Variants in FRMD5 observed in about 807,000 individuals in gnomAD.
FRMD5 encodes FERM domain containing 5.
In FRMD5, 20 loss-of-function variants were observed where a neutral mutation model predicts 69.0. The observed-to-expected ratio is 0.29, with a 90% confidence interval of 0.20 to 0.42. FRMD5 has a LOEUF of 0.42. Ranked by LOEUF, FRMD5 falls within the 10% of genes least tolerant of loss-of-function variation. The pLI is 1.00. For missense variants in FRMD5, 595 were observed against 708.6 expected (o/e 0.84, Z 1.82); for synonymous variants, 271 against 260.1 (o/e 1.04, Z -0.40).
At chr15:44,052,584 CCCTGAGATAGTG>C (rs1892714796) in intron 1 of FRMD5, among the ~76,000 whole-genome samples, 1 of 151,234 alleles carries the variant, frequency 6.6e-6, no homozygotes, top group African/African-American at 2.5e-5. Flanking sequence ...GCTCAGGACA[CCCTGAGATAGTG>C]CCTAGGAACA....
chr15:44,021,718 C>T (rs1595634235), intron 1 of FRMD5, among the ~76,000 whole-genome samples: 1 of 152,058 alleles, frequency 6.6e-6, no homozygotes, highest in South Asian at 2.1e-4. Flanking sequence ...GATACAGCTG[C>T]TATGTAAAAT....
intron 1 of FRMD5, among the ~76,000 whole-genome samples, chr15:44,105,831 A>G (rs1050867412): frequency 6.6e-6 from 1 of 152,188 alleles, no homozygotes; most frequent in African/African-American, 2.4e-5. Flanking sequence ...TATTTACCAC[A>G]CAATTTCTTC....
chr15:43,927,400 CAG>C (rs1242955425), intron 1 of FRMD5, among the ~76,000 whole-genome samples: 3 of 152,120 alleles, frequency 2.0e-5, no homozygotes, highest in Non-Finnish European at 4.4e-5. Flanking sequence ...ACTCTCAGGA[CAG>C]AGACTCGTTA....
chr15:43,985,007 A>C (rs1249265792), intron 1 of FRMD5, among the ~76,000 whole-genome samples: 2 of 149,832 alleles, frequency 1.3e-5, no homozygotes, highest in African/African-American at 4.9e-5. Context: ...AAGGCCGGGC[A>C]CGGTGGCTCA....
chr15:44,004,513 T>C (rs1409561001), intron 1 of FRMD5, among the ~76,000 whole-genome samples: 3 of 152,234 alleles, frequency 2.0e-5, no homozygotes, highest in Admixed American at 2.0e-4. Context: ...CCATTAATAT[T>C]ATTTTTTCTT....
At chr15:44,016,839 A>T (rs1027637153) in intron 1 of FRMD5, among the ~76,000 whole-genome samples, 4 of 147,438 alleles carry the variant, frequency 2.7e-5, no homozygotes, top group African/African-American at 7.4e-5. Flanking sequence ...AGTTCACATA[A>T]TTTTTTTTTT....
chr15:44,145,209 C>T (rs904744064), intron 1 of FRMD5, among the ~76,000 whole-genome samples: 9 of 152,138 alleles, frequency 5.9e-5, no homozygotes, highest in Non-Finnish European at 1.5e-5. Context: ...CATCAGGGAG[C>T]TGGCAGATAG....
chr15:44,044,764 G>A (rs1444551820), intron 1 of FRMD5, among the ~76,000 whole-genome samples: 1 of 152,070 alleles, frequency 6.6e-6, no homozygotes, highest in Non-Finnish European at 1.5e-5. Flanking sequence ...GGCCTGTCAG[G>A]GGGTGGGGGG....
chr15:43,903,298 G>A (rs185985854), intron 6 of FRMD5, among the ~76,000 whole-genome samples: 32 of 152,334 alleles, frequency 2.1e-4, no homozygotes, highest in African/African-American at 6.7e-4. Flanking sequence ...CACGTTGCTC[G>A]TTTCTAAGCT....
intron 1 of FRMD5, among the ~76,000 whole-genome samples, chr15:44,176,065 C>G (rs1485232597): frequency 6.6e-6 from 1 of 151,954 alleles, no homozygotes; most frequent in African/African-American, 2.4e-5. Context: ...TGCAATAAAC[C>G]AAGAATAGCC....
chr15:43,892,004 G>A lies in FRMD5; in HGVS notation c.705C>T (p.Asn235=). ...TPFGFVVLQG[N]KRVHFIKWNE... ...ACCATTTAATGAAGTGGACCCTCTT[G>A]TTTCCTTGAAGAACAACAAACCCAA... Residue 235 remains asparagine (N), a synonymous_variant, in exon 8 of 14, where the codon AAC becomes AAT. Coordinates refer to ENST00000417257, the MANE Select transcript of FRMD5 (RefSeq NM_032892.5). 6.2e-7 allele frequency: 1 copy of A among 1,614,054 alleles called. No homozygotes were observed. The highest frequency in any genetic ancestry group is 8.5e-7 in the Non-Finnish European group (1 of 1,179,940).
chr15:44,143,830 C>T (rs886076220), intron 1 of FRMD5, among the ~76,000 whole-genome samples: 5 of 140,278 alleles, frequency 3.6e-5, no homozygotes, highest in African/African-American at 1.3e-4. Context: ...GAGGCTGAGG[C>T]AGGAAATCGC....
intron 1 of FRMD5, among the ~76,000 whole-genome samples, chr15:44,103,152 T>G (rs2076665157): frequency 6.6e-6 from 1 of 152,206 alleles, no homozygotes; most frequent in Admixed American, 6.5e-5. Flanking sequence ...TGCCCTAATG[T>G]AAGAATAGTC....
At chr15:43,967,042 G>A (rs1465900069) in intron 1 of FRMD5, among the ~76,000 whole-genome samples, 1 of 152,122 alleles carries the variant, frequency 6.6e-6, no homozygotes, top group Non-Finnish European at 1.5e-5. Flanking sequence ...ACATGGACTT[G>A]CTTCTGGCTG....
At chr15:44,026,823 C>T (rs1891447499) in intron 1 of FRMD5, among the ~76,000 whole-genome samples, 1 of 152,180 alleles carries the variant, frequency 6.6e-6, no homozygotes, top group South Asian at 2.1e-4. Context: ...TTATTCTGCT[C>T]ATGGTGATTA....
chr15:44,052,537 A>ACATAACATT lies in FRMD5; in HGVS notation c.103-128237_103-128229dup, dbSNP rs1439715431. ...ATTGCTTCCACAGCCACTTCTTTTT[A>ACATAACATT]CATAACATTTGTTTCCATTTCCAGA... On this transcript the variant is annotated intron_variant, in intron 1 of 13. Transcript: ENST00000417257. Among the ~76,000 whole-genome samples, 5 of 152,274 alleles carry ACATAACATT rather than the reference A, an allele frequency of 3.3e-5. No homozygotes were observed. The East Asian group carries it at 9.6e-4, about 29-fold the overall frequency.
intron 1 of FRMD5, among the ~76,000 whole-genome samples, chr15:44,067,267 C>T (rs1348147692): frequency 6.6e-6 from 1 of 152,028 alleles, no homozygotes; most frequent in Non-Finnish European, 1.5e-5. Flanking sequence ...ATTAGGTGTA[C>T]TTAGAAAAGA....
Position 43,984,261 on chromosome 15 carries a change from T to C in FRMD5, c.103-59952A>G, listed in dbSNP as rs147772849. ...AGAGTCTTCAGTTGTGAGAATATCT[T>C]ATGCAAATAGAAAAAGCTTTACAGA... On this transcript the variant is annotated intron_variant, in intron 1 of 13. Coordinates refer to ENST00000417257, the MANE Select transcript of FRMD5 (RefSeq NM_032892.5). 2.9e-4 allele frequency among the ~76,000 whole-genome samples: 44 copies of C among 152,296 alleles called. No individual in the cohort carries two copies. In the East Asian group the frequency reaches 5.2e-3, roughly 18 times the overall value.
At chr15:43,907,464 G>A (rs1207250965) in intron 5 of FRMD5, among the ~76,000 whole-genome samples, 1 of 151,696 alleles carries the variant, frequency 6.6e-6, no homozygotes, top group African/African-American at 2.4e-5. Flanking sequence ...CGACCTCCTG[G>A]ACTGAAGTGA....
Sources: allele counts gnomAD v4.1 joint callset (sites outside exome capture counted in the v4.1 genomes callset), GRCh38; gene constraint gnomAD v4.1.1; transcripts MANE v1.5; gene names NCBI Gene and HGNC (gene_info 2026-07-23, HGNC 2026-07-21).